The following XPO6 variants were observed in gnomAD, a reference collection of about 807,000 sequenced individuals.
The protein encoded by XPO6 is exportin 6, also known as exportin-6.
Under a neutral mutation model 130.0 loss-of-function variants are expected in XPO6, and 3 were observed. The ratio of observed to expected loss-of-function variants is 0.02; its 90% CI spans 0.01 to 0.06. The LOEUF (loss-of-function observed/expected upper bound fraction) is 0.06. XPO6 is among the 10% of genes least tolerant of loss of function. The pLI is 1.00. For synonymous variants in XPO6, 524 were observed against 548.9 expected (o/e 0.95, Z 0.63); for missense variants, 970 against 1,393.0 (o/e 0.70, Z 4.83).
intron 1 of XPO6, among the ~76,000 whole-genome samples, chr16:28,186,598 G>T (rs756128807): frequency 6.6e-6 from 1 of 151,322 alleles, no homozygotes; most frequent in South Asian, 2.1e-4. Flanking sequence ...TTGAACACCT[G>T]ACTTCAAGTG....
chr16:28,101,655 C>T lies in XPO6; in HGVS notation c.3079G>A (p.Val1027Met), dbSNP rs1439188796. 3 of 1,611,630 alleles carry T rather than the reference C, an allele frequency of 1.9e-6. No individual in the cohort carries two copies. In the South Asian group the frequency reaches 3.3e-5, roughly 18 times the overall value. ...ACCAGGACCTGGAGCAGCACGTTCA[C>T]AAACTGGAACAGCATGGCAGTCCGG... ...IFRTAMLFQF[V>M]NVLLQVLVHK... The change falls in exon 23 of 24, where the codon GTG becomes ATG. Residue 1027 changes from valine (V) to methionine (M), a missense_variant. Physicochemically the swap from Val to Met is conservative, Grantham distance 21 (BLOSUM62 1). Around this residue, in one of 4 missense-constraint regions of XPO6, gnomAD observed 936 missense variants for 1,306.8 expected, o/e 0.72. Coordinates refer to ENST00000304658, the MANE Select transcript of XPO6 (RefSeq NM_015171.4). This position sits in a 1 kb window ranked among gnomAD's most constrained non-coding sequence, Gnocchi z 5.4.
intron 3 of XPO6, among the ~76,000 whole-genome samples, 165 bp from the exon 4 acceptor site, chr16:28,176,260 A>AC (rs2043532000): frequency 6.6e-6 from 1 of 152,202 alleles, no homozygotes; most frequent in African/African-American, 2.4e-5. Context: ...AAATCTTAGG[A>AC]CACAACAGTC....
At position 28,156,491 on chromosome 16, in the gene XPO6, G is replaced by A. The variant is rs1267820672; in HGVS notation, c.680C>T (p.Ser227Leu). Residue 227 changes from serine to leucine, a missense_variant, in exon 7 of 24, where the codon TCA (serine) becomes TTA (leucine). Physicochemically the swap from Ser to Leu is moderately radical, Grantham distance 145. Coordinates refer to ENST00000304658, the MANE Select transcript of XPO6 (RefSeq NM_015171.4). Reference protein sequence around the residue: ...LLSNLLQSPSSAKLLNQPIPI... With the variant: ...LLSNLLQSPSLAKLLNQPIPI... ...AATTGGCTGATTCAACAGTTTGGCTGAACTGGGACTCTGCAACAGGTTACT... is the reference window on the plus strand; with the variant it reads ...AATTGGCTGATTCAACAGTTTGGCTAAACTGGGACTCTGCAACAGGTTACT... 1.3e-6 allele frequency: 2 copies of A among 1,592,166 alleles called. No individual in the cohort carries two copies. The highest frequency in any genetic ancestry group is 1.7e-5 in the Admixed American group (1 of 58,894).
intron 13 of XPO6, among the ~76,000 whole-genome samples, chr16:28,123,366 C>G (rs956768943): frequency 7.3e-5 from 11 of 151,290 alleles, no homozygotes; most frequent in Admixed American, 5.2e-4. Context: ...CCTCAGCCTC[C>G]CAAAGTGCTG....
Position 28,211,656 on chromosome 16 carries a change from G to T in XPO6, c.-288C>A. ...ATGCCGGCGAGGAGGGCAGCTGCTC[G>T]GGACCCCCGCCCGGGCCCGACCCCC... On this transcript the variant is annotated 5_prime_UTR_variant, in exon 1 of 24. Coordinates refer to ENST00000304658, the MANE Select transcript of XPO6 (RefSeq NM_015171.4). 2.6e-6 allele frequency: 1 copy of T among 391,700 alleles called. No individual in the cohort carries two copies. The highest frequency in any genetic ancestry group is 3.6e-5 in the East Asian group (1 of 27,632). The allele number at this position is 391,700 out of a possible 1,614,324, so 24.3% of individuals were successfully genotyped here.
At chr16:28,180,448 T>C (rs970633878) in intron 2 of XPO6, among the ~76,000 whole-genome samples, 2 of 152,270 alleles carry the variant, frequency 1.3e-5, no homozygotes, top group South Asian at 2.1e-4. Flanking sequence ...ATACCAGTTA[T>C]GGGATTTCTG....
At chr16:28,171,250 C>G (rs960511104) in intron 4 of XPO6, among the ~76,000 whole-genome samples, 2 of 151,564 alleles carry the variant, frequency 1.3e-5, no homozygotes. Flanking sequence ...GTCAGCAGTT[C>G]GAGACCAACC....
intron 9 of XPO6, among the ~76,000 whole-genome samples, chr16:28,141,737 G>C (rs993782673): frequency 2.1e-4 from 32 of 152,296 alleles, no homozygotes; most frequent in African/African-American, 6.3e-4. Context: ...GAGGCGGGTG[G>C]ATCATGAGGT....
intron 6 of XPO6, among the ~76,000 whole-genome samples, chr16:28,161,436 C>T (rs1439400061): frequency 2.0e-5 from 3 of 151,922 alleles, no homozygotes; most frequent in Non-Finnish European, 2.9e-5. Flanking sequence ...AATTCATTAA[C>T]GAAGGGTTTA....
intron 1 of XPO6, among the ~76,000 whole-genome samples, chr16:28,200,518 G>C (rs547817876): frequency 6.7e-6 from 1 of 149,806 alleles, no homozygotes; most frequent in East Asian, 2.0e-4. Context: ...AGTTTCGTCT[G>C]TCACCCAGGC....
At chr16:28,155,939 C>A in intron 7 of XPO6, 135 bp downstream of exon 7, 2 of 1,438,322 alleles carry the variant, frequency 1.4e-6, no homozygotes, top group Non-Finnish European at 1.8e-6. Context: ...TACTGGCACA[C>A]ACCTACCTTT....
intron 4 of XPO6, among the ~76,000 whole-genome samples, chr16:28,174,589 C>T (rs1217550322): frequency 6.6e-6 from 1 of 152,150 alleles, no homozygotes; most frequent in South Asian, 2.1e-4. Flanking sequence ...CCCAATAAAT[C>T]TCTAGATAAA....
intron 1 of XPO6, among the ~76,000 whole-genome samples, chr16:28,205,664 G>A (rs1395293792): frequency 2.6e-5 from 4 of 152,146 alleles, no homozygotes; most frequent in Non-Finnish European, 5.9e-5. Context: ...TAACGGTTAT[G>A]AGCAGTGACT....
intron 6 of XPO6, among the ~76,000 whole-genome samples, chr16:28,160,511 A>AAAAAAAAAG (rs1218038056): frequency 6.6e-6 from 1 of 151,646 alleles, no homozygotes; most frequent in African/African-American, 2.4e-5. Context: ...CACCAAAAAA[A>AAAAAAAAAG]AAAAAAAAAT....
rs79611011 is a variant in XPO6 at position 28,169,710 on chromosome 16, C to T, written c.565+40G>A. The T allele has an allele frequency of 7.5e-4, 1,204 of 1,604,428 alleles. 5 individuals carry two copies. In the East Asian group the frequency reaches 0.01, roughly 14 times the overall value. The stretch of plus-strand genomic sequence containing the variant: ...CCAAGGCCTGAACTCTGGGTGCCTG[C>T]GGGCAGGCCTCTATCTCTGGGCACT... On this transcript the variant is annotated intron_variant, in intron 5 of 23. Coordinates refer to ENST00000304658, the MANE Select transcript of XPO6 (RefSeq NM_015171.4).
rs190368302 is a variant in XPO6 at position 28,148,275 on chromosome 16, C to T, written c.1225-2072G>A. Among the ~76,000 whole-genome samples the T allele has an allele frequency of 5.9e-5, 9 of 152,314 alleles. No individual in the cohort carries two copies. In the East Asian group the frequency reaches 1.7e-3, roughly 29 times the overall value. On this transcript the variant is annotated intron_variant, in intron 8 of 23. Coordinates refer to ENST00000304658, the MANE Select transcript of XPO6 (RefSeq NM_015171.4). ...AGGCTGGGGGAAAGGTGAGCAGACA[C>T]ACCCTGTATAACCTGAAGCACCACC...
intron 2 of XPO6, among the ~76,000 whole-genome samples, chr16:28,178,910 T>C (rs2043573575): frequency 6.6e-6 from 1 of 151,636 alleles, no homozygotes; most frequent in Non-Finnish European, 1.5e-5. Context: ...CTACTAAAAA[T>C]ACAAAAATTA....
intron 9 of XPO6, among the ~76,000 whole-genome samples, chr16:28,144,437 T>A (rs1313333490): frequency 1.3e-5 from 2 of 152,228 alleles, no homozygotes. Context: ...AGTCTCACTA[T>A]GTTCCCAGCC....
chr16:28,148,172 A>T (rs2043018736), intron 8 of XPO6, among the ~76,000 whole-genome samples: 1 of 152,228 alleles, frequency 6.6e-6, no homozygotes, highest in African/African-American at 2.4e-5. Flanking sequence ...AAATCCAAGT[A>T]TTATGGCTCC....
Sources: gnomAD v4.1 joint callset for allele counts (sites outside exome capture counted in the v4.1 genomes callset) on GRCh38, gnomAD v4.1.1 for gene constraint, gnomAD v4.1.1 regional missense constraint, Gnocchi (gnomAD v3.1) non-coding constraint, MANE v1.5 for transcripts, NCBI Gene and HGNC (gene_info 2026-07-23, HGNC 2026-07-21) for gene names.